BCR: variants seen among roughly 807,000 people sequenced by gnomAD.
BCR encodes the protein BCR activator of RhoGEF and GTPase, also known as breakpoint cluster region protein.
A neutral mutation model predicts 138.6 loss-of-function variants in BCR; 58 were observed. The observed-to-expected ratio is 0.42, with a 90% CI of 0.34 to 0.52. The LOEUF (loss-of-function observed/expected upper bound fraction) is 0.52, where lower values mean the gene tolerates loss of function less well. BCR is among the 20% of genes least tolerant of loss of function. BCR has a pLI of 0.06. For missense variants in BCR, 1,599 were observed against 1,727.2 expected (o/e 0.93, Z 1.32); for synonymous variants, 786 against 730.1 (o/e 1.08, Z -1.23).
intron 12 of BCR, among the ~76,000 whole-genome samples, chr22:23,289,055 C>T (rs1420137160): frequency 6.6e-6 from 1 of 152,208 alleles, no homozygotes; most frequent in Non-Finnish European, 1.5e-5. Context: ...ACATAGGAGC[C>T]CCAGCCATTT....
At chr22:23,258,291 C>G (rs2073318728) in intron 2 of BCR, among the ~76,000 whole-genome samples, 1 of 152,146 alleles carries the variant, frequency 6.6e-6, no homozygotes, top group South Asian at 2.1e-4. Flanking sequence ...TCCCAGTGGG[C>G]AAGTGAGGAT....
chr22:23,245,103 T>G (rs994490338), intron 1 of BCR, among the ~76,000 whole-genome samples: 3 of 152,176 alleles, frequency 2.0e-5, no homozygotes, highest in Non-Finnish European at 4.4e-5. Context: ...TTCTGGTGAT[T>G]CAGTCTCCAA....
chr22:23,189,590 T>G (rs1340975100), intron 1 of BCR, among the ~76,000 whole-genome samples: 1 of 152,076 alleles, frequency 6.6e-6, no homozygotes, highest in Non-Finnish European at 1.5e-5. Context: ...AACCTCTCCC[T>G]CCCAGGTTCA....
At chr22:23,262,725 G>GC (rs1044391284) in intron 4 of BCR, 20 of 829,576 alleles carry the variant, frequency 2.4e-5, no homozygotes, top group Non-Finnish European at 2.6e-5. Flanking sequence ...CCGGGTGAGG[G>GC]CGGGGGCGGA....
chr22:23,309,548 T>A, intron 17 of BCR, 65 bp downstream of exon 17: 1 of 1,463,680 alleles, frequency 6.8e-7, no homozygotes. Flanking sequence ...CCTCTGTTCA[T>A]TTCAAATCAG....
At chr22:23,183,597 C>T (rs1372920592) in intron 1 of BCR, among the ~76,000 whole-genome samples, 1 of 152,238 alleles carries the variant, frequency 6.6e-6, no homozygotes, top group East Asian at 1.9e-4. Context: ...TTTGCAGGCA[C>T]ATCAGCTCGT....
At chr22:23,273,171 GC>G in intron 7 of BCR, 38 bp downstream of exon 7, 1 of 1,598,296 alleles carries the variant, frequency 6.3e-7, no homozygotes, top group Non-Finnish European at 8.6e-7. Flanking sequence ...GACCAAAACT[GC>G]CCCCTCGGGC....
chr22:23,292,423 C>A, intron 14 of BCR, 118 bp from the exon 15 acceptor site: 1 of 831,412 alleles, frequency 1.2e-6, no homozygotes, highest in Admixed American at 2.4e-5. Flanking sequence ...AAGAAAGTTA[C>A]AACCTTTTTT....
At chr22:23,245,101 A>G (rs1220273264) in intron 1 of BCR, among the ~76,000 whole-genome samples, 3 of 152,152 alleles carry the variant, frequency 2.0e-5, no homozygotes, top group African/African-American at 7.2e-5. Flanking sequence ...CCTTCTGGTG[A>G]TTCAGTCTCC....
At chr22:23,299,031 C>G (rs544566407) in intron 16 of BCR, among the ~76,000 whole-genome samples, 1 of 151,742 alleles carries the variant, frequency 6.6e-6, no homozygotes, top group East Asian at 2.0e-4. Context: ...GAGTCTGGCT[C>G]TGTCGCCCAG....
Position 23,181,288 on chromosome 22 carries a change from G to T in BCR, c.328G>T (p.Ala110Ser), listed in dbSNP as rs753267590. ...CGCCGACGGAGCCGACCCGCCGCCC[G>T]CCGAGGAGCCCGAGGCCCGGCCCGA... is the stretch of plus-strand genomic sequence containing the variant. ...APADGADPPPAEEPEARPDGE... is the reference protein window; with the variant it reads ...APADGADPPPSEEPEARPDGE... Residue 110 changes from alanine to serine, a missense_variant, in exon 1 of 23, where the codon GCC becomes TCC. By Grantham distance (99) the Ala-to-Ser change is moderately conservative (BLOSUM62 1). This residue lies in a region of BCR where 806 missense variants were observed against 635.0 expected (regional missense o/e 1.27). Transcript: ENST00000305877. 1.9e-5 allele frequency: 25 copies of T among 1,306,272 alleles called. No individual in the cohort carries two copies. The highest frequency in any genetic ancestry group is 7.1e-5 in the South Asian group (3 of 41,970). The allele number at this position is 1,306,272 out of a possible 1,614,324, so 80.9% of individuals were successfully genotyped here.
intron 1 of BCR, among the ~76,000 whole-genome samples, chr22:23,241,531 G>A (rs1305151495): frequency 6.6e-6 from 1 of 152,118 alleles, no homozygotes; most frequent in Non-Finnish European, 1.5e-5. Flanking sequence ...ATCCTCCTTT[G>A]AAGGGCACTA....
At chr22:23,195,774 GCTA>G (rs1364123574) in intron 1 of BCR, among the ~76,000 whole-genome samples, 12 of 152,118 alleles carry the variant, frequency 7.9e-5, no homozygotes, top group Non-Finnish European at 1.3e-4. Context: ...TGTAATCCCA[GCTA>G]CTCGGGAGGC....
chr22:23,202,731 G>A (rs2072569205), intron 1 of BCR, among the ~76,000 whole-genome samples: 1 of 144,874 alleles, frequency 6.9e-6, no homozygotes, highest in Non-Finnish European at 1.5e-5. Flanking sequence ...TTGTGTGTGT[G>A]TGTGTGTGTG....
intron 1 of BCR, among the ~76,000 whole-genome samples, chr22:23,247,988 C>G (rs2073174536): frequency 6.6e-6 from 1 of 152,182 alleles, no homozygotes; most frequent in African/African-American, 2.4e-5. Flanking sequence ...TTCTTTCCAC[C>G]TCTTCCTTCC....
intron 1 of BCR, among the ~76,000 whole-genome samples, chr22:23,225,843 GCA>G (rs2072885561): frequency 6.6e-6 from 1 of 152,156 alleles, no homozygotes; most frequent in Non-Finnish European, 1.5e-5. Context: ...TATTCATTTC[GCA>G]CAGTCAGTGC....
chr22:23,262,700 C>G (rs927753831), intron 4 of BCR: 2 of 187,450 alleles, frequency 1.1e-5, no homozygotes, highest in African/African-American at 8.0e-5. Flanking sequence ...ATGGCGGGCC[C>G]GGGTGAGGGC....
At chr22:23,292,475 C>T (rs1298714330) in intron 14 of BCR, 66 bp from the exon 15 acceptor site, 2 of 1,161,688 alleles carry the variant, frequency 1.7e-6, no homozygotes, top group Non-Finnish European at 2.5e-6. Context: ...AACACCTGCT[C>T]TTACAGACCA....
At position 23,311,834 on chromosome 22, in the gene BCR, T is replaced by C; in HGVS notation, c.3320T>C (p.Val1107Ala). ...CAGGCACTGAAGGCAGCCTTCGACGTCAGTGAGTGTTGGCCTGCGCAGGAC... is the reference window on the plus strand; with the variant it reads ...CAGGCACTGAAGGCAGCCTTCGACGCCAGTGAGTGTTGGCCTGCGCAGGAC... ...DIQALKAAFD[V>A]NNKDVSVMMS... is the part of the protein sequence containing the mutation. Residue 1107 changes from valine to alanine, a missense_variant and splice_region_variant, in exon 19 of 23, where the codon GTC becomes GCC. Physicochemically the swap from Val to Ala is moderately conservative, Grantham distance 64 (BLOSUM62 0). Coordinates refer to ENST00000305877, the MANE Select transcript of BCR (RefSeq NM_004327.4). The C allele has an allele frequency of 1.2e-6, 2 of 1,611,658 alleles. No homozygotes were observed. Among genetic ancestry groups the C allele is most frequent in the Non-Finnish European group, 1.7e-6 (2 of 1,179,838 alleles).
Sources: allele counts gnomAD v4.1 joint callset (sites outside exome capture counted in the v4.1 genomes callset), GRCh38; gene constraint gnomAD v4.1.1; regional missense constraint gnomAD v4.1.1; transcripts MANE v1.5; gene names NCBI Gene and HGNC (gene_info 2026-07-23, HGNC 2026-07-21).